RARB: variants seen among roughly 807,000 people sequenced by gnomAD.
RARB encodes the protein retinoic acid receptor beta.
A neutral mutation model predicts 51.9 loss-of-function variants in RARB; 17 were observed. The ratio of observed to expected loss-of-function variants is 0.33; its 90% CI spans 0.22 to 0.49. The LOEUF (loss-of-function observed/expected upper bound fraction) is 0.49, where lower values mean the gene tolerates loss of function less well. RARB is among the 20% of genes least tolerant of loss of function. The probability of loss-of-function intolerance (pLI) is 0.99; values close to 1 mark genes in which losing one functional copy is unlikely to be tolerated. For synonymous variants in RARB, 215 were observed against 195.4 expected (o/e 1.10, Z -0.84); for missense variants, 369 against 550.8 (o/e 0.67, Z 3.30).
intron 3 of RARB, among the ~76,000 whole-genome samples, chr3:25,069,018 A>T (rs950184544): frequency 2.0e-5 from 3 of 151,922 alleles, no homozygotes; most frequent in Non-Finnish European, 4.4e-5. Flanking sequence ...CCTCTGAAAA[A>T]AAAAAAACAC....
At chr3:25,564,202 A>G (rs753568929) in intron 3 of RARB, among the ~76,000 whole-genome samples, 3 of 152,222 alleles carry the variant, frequency 2.0e-5, no homozygotes, top group African/African-American at 7.2e-5. Flanking sequence ...AGATCCGTAC[A>G]TCAGAGGTAT....
intron 4 of RARB, among the ~76,000 whole-genome samples, chr3:25,161,926 T>C (rs997166001): frequency 2.0e-5 from 3 of 151,920 alleles, no homozygotes; most frequent in East Asian, 1.9e-4. Flanking sequence ...ATGGTACCCA[T>C]AGAAAGGCTA....
intron 4 of RARB, among the ~76,000 whole-genome samples, chr3:25,573,991 T>C (rs928909438): frequency 6.6e-6 from 1 of 152,140 alleles, no homozygotes; most frequent in African/African-American, 2.4e-5. Flanking sequence ...TCTTCAGAGC[T>C]AGTATCCCTG....
rs1213229046 is a variant in RARB, at chr3:25,554,157, C to G, written c.449-15601C>G. Among the ~76,000 whole-genome samples the G allele has an allele frequency of 3.3e-5, 5 of 149,574 alleles. No individual in the cohort carries two copies. In the East Asian group the frequency reaches 9.8e-4, roughly 29 times the overall value. The stretch of plus-strand genomic sequence containing the variant: ...GATTTCCCGAGAGAAAGTATCTGTG[C>G]GTGGAGGTGTAGGGCAGGGGAACTC... On this transcript the variant is annotated intron_variant, in intron 3 of 7. Transcript: ENST00000330688.
chr3:25,413,746 C>T (rs1277047659), intron 5 of RARB, among the ~76,000 whole-genome samples: 2 of 151,988 alleles, frequency 1.3e-5, no homozygotes, highest in Non-Finnish European at 2.9e-5. Flanking sequence ...TCCCTGATAA[C>T]CAATGAAGTT....
intron 5 of RARB, among the ~76,000 whole-genome samples, chr3:25,378,714 T>A (rs1269117737): frequency 6.6e-6 from 1 of 152,110 alleles, no homozygotes; most frequent in African/African-American, 2.4e-5. Context: ...GATTAGAGAA[T>A]TAAAGGAAAA....
intron 3 of RARB, among the ~76,000 whole-genome samples, chr3:25,116,130 T>C (rs993472138): frequency 6.6e-6 from 1 of 152,188 alleles, no homozygotes; most frequent in Non-Finnish European, 1.5e-5. Flanking sequence ...TTCTCTTGAT[T>C]GGAAGTAACT....
chr3:25,234,534 C>G (rs1360867744), intron 5 of RARB, among the ~76,000 whole-genome samples: 2 of 152,126 alleles, frequency 1.3e-5, no homozygotes, highest in Middle Eastern at 3.4e-3. Context: ...CTATCTATAT[C>G]ATTTCTTTCT....
intron 5 of RARB, among the ~76,000 whole-genome samples, chr3:25,363,373 C>T (rs1443616842): frequency 3.3e-5 from 5 of 152,118 alleles, no homozygotes; most frequent in Non-Finnish European, 7.4e-5. Flanking sequence ...AGCTAGGTAT[C>T]TCCACTTAGA....
At chr3:24,992,338 T>C (rs1340254185) in intron 2 of RARB, among the ~76,000 whole-genome samples, 6 of 152,202 alleles carry the variant, frequency 3.9e-5, no homozygotes, top group African/African-American at 9.6e-5. Flanking sequence ...GTCATGATTA[T>C]TATAAAAGTA....
chr3:25,573,041 C>A (rs1286738), intron 4 of RARB, among the ~76,000 whole-genome samples: 1 of 151,898 alleles, frequency 6.6e-6, no homozygotes, highest in East Asian at 1.9e-4. Context: ...CACTGATGAG[C>A]AGAACGTGGA....
intron 5 of RARB, among the ~76,000 whole-genome samples, chr3:25,229,218 C>G (rs576458367): frequency 5.9e-5 from 9 of 152,160 alleles, no homozygotes; most frequent in African/African-American, 1.7e-4. Flanking sequence ...TTGTAGTTGT[C>G]ATTGTTTCTT....
chr3:25,449,080 AG>A (rs2125539424), intron 1 of RARB, among the ~76,000 whole-genome samples: 1 of 152,176 alleles, frequency 6.6e-6, no homozygotes, highest in African/African-American at 2.4e-5. Flanking sequence ...GAACCTGCGT[AG>A]GGGCTGGGGG....
chr3:25,083,201 A>G (rs1461162179), intron 3 of RARB, among the ~76,000 whole-genome samples: 1 of 152,062 alleles, frequency 6.6e-6, no homozygotes, highest in Non-Finnish European at 1.5e-5. Flanking sequence ...GTATTCTGAT[A>G]TAATTTTATG....
rs199516505 is a variant in RARB at position 24,990,125 on chromosome 3, CTTT to C, written c.-379-69990_-379-69988del. On this transcript the variant is annotated intron_variant, in intron 2 of 11. Coordinates refer to the RARB transcript ENST00000383772. The stretch of plus-strand genomic sequence containing the variant: ...TTCTTTTTAATATAATGGAACTTTT[CTTT>C]TTTTTTTTTGTTATTTCACTATTGT... Among the ~76,000 whole-genome samples the C allele has an allele frequency of 4.6e-5, 4 of 87,656 alleles. 1 individual carries two copies. The highest frequency in any genetic ancestry group is 6.6e-5 in the Non-Finnish European group (3 of 45,794). 57.5% of individuals were successfully genotyped at this position (87,656 alleles called of 152,430 possible).
At position 25,208,296 on chromosome 3, in the gene RARB, G is replaced by A. The variant is rs189258552; in HGVS notation, c.178+33721G>A. Among the ~76,000 whole-genome samples the A allele has an allele frequency of 3.0e-3, 463 of 152,104 alleles. 4 individuals carry two copies. The highest frequency in any genetic ancestry group is 4.9e-3 in the Non-Finnish European group (336 of 67,986). On this transcript the variant is annotated intron_variant, in intron 5 of 11. Coordinates refer to the RARB transcript ENST00000383772. The stretch of plus-strand genomic sequence containing the variant: ...TCCAAGGATTTCAGTTTCAATCAGG[G>A]GAACAAATTTTTTCTTATTCTAATA...
chr3:25,285,223 G>T lies in RARB; in HGVS notation c.178+110648G>T, dbSNP rs140403909. Among the ~76,000 whole-genome samples, 4 of 152,296 alleles carry T rather than the reference G, an allele frequency of 2.6e-5. No homozygotes were observed. In the East Asian group the frequency reaches 7.7e-4, roughly 29 times the overall value. Reference sequence around the variant, plus strand: ...GCAAAGGAGTTTGACCCATACTGAGGTAGAGTTAGACAAAGCTCCACTGAG... The same window carrying T: ...GCAAAGGAGTTTGACCCATACTGAGTTAGAGTTAGACAAAGCTCCACTGAG... On this transcript the variant is annotated intron_variant, in intron 5 of 11. Coordinates refer to the RARB transcript ENST00000383772.
chr3:25,146,587 A>C lies in RARB; in HGVS notation c.-280+14379A>C, dbSNP rs1403881794. 3.4e-5 allele frequency among the ~76,000 whole-genome samples: 5 copies of C among 149,086 alleles called. No individual in the cohort carries two copies. The Admixed American group carries it at 3.4e-4, about 10-fold the overall frequency. On this transcript the variant is annotated intron_variant, in intron 4 of 11. Coordinates refer to the RARB transcript ENST00000383772. ...CAATGGCGCGATCTCGGCTCACTGC[A>C]AGCTCCGCCTCCCGGGTTCTCGCCA...
At chr3:25,506,235 A>G (rs1697585213) in intron 3 of RARB, among the ~76,000 whole-genome samples, 1 of 132,018 alleles carries the variant, frequency 7.6e-6, no homozygotes, top group Admixed American at 8.3e-5. Context: ...CCTGGGCGAC[A>G]GGGTGAGACT....
Sources: gnomAD v4.1 joint callset for allele counts (sites outside exome capture counted in the v4.1 genomes callset) on GRCh38, gnomAD v4.1.1 for gene constraint, MANE v1.5 for transcripts, NCBI Gene and HGNC (gene_info 2026-07-23, HGNC 2026-07-21) for gene names.